The following NUBPL variants were observed in gnomAD, a reference collection of about 807,000 sequenced individuals.
The protein encoded by NUBPL is iron-sulfur cluster transfer protein NUBPL.
A neutral mutation model predicts 45.7 loss-of-function variants in NUBPL; 31 were observed. The ratio of observed to expected loss-of-function variants is 0.68; its 90% CI spans 0.51 to 0.92. The LOEUF (loss-of-function observed/expected upper bound fraction) is 0.92. NUBPL is among the 40% of genes least tolerant of loss of function. The probability of loss-of-function intolerance (pLI) is 0.00; values close to 1 mark genes in which losing one functional copy is unlikely to be tolerated. For missense variants in NUBPL, 401 were observed against 398.7 expected (o/e 1.01, Z -0.05); for synonymous variants, 144 against 140.9 (o/e 1.02, Z -0.15).
intron 7 of NUBPL, among the ~76,000 whole-genome samples, chr14:31,807,111 C>T (rs1224361463): frequency 6.6e-6 from 1 of 152,070 alleles, no homozygotes; most frequent in African/African-American, 2.4e-5. Context: ...TAGCAGCATG[C>T]TTTATAATCC....
At chr14:31,626,540 T>C (rs72674854) in intron 4 of NUBPL, among the ~76,000 whole-genome samples, 1 of 152,198 alleles carries the variant, frequency 6.6e-6, no homozygotes, top group African/African-American at 2.4e-5. Context: ...CAGGCAGAGA[T>C]TGGAAATGGC....
At chr14:31,791,743 C>T (rs962570990) in intron 7 of NUBPL, among the ~76,000 whole-genome samples, 3 of 152,006 alleles carry the variant, frequency 2.0e-5, no homozygotes, top group African/African-American at 4.8e-5. Flanking sequence ...AAGGGGAATA[C>T]GAAACACTTC....
intron 6 of NUBPL, among the ~76,000 whole-genome samples, chr14:31,711,873 A>T (rs1310718597): frequency 6.6e-6 from 1 of 151,698 alleles, no homozygotes; most frequent in African/African-American, 2.4e-5. Context: ...AAGATGGCAC[A>T]TCCGGAGTTG....
At chr14:31,582,101 A>G (rs1033608889) in intron 3 of NUBPL, among the ~76,000 whole-genome samples, 1 of 152,192 alleles carries the variant, frequency 6.6e-6, no homozygotes, top group African/African-American at 2.4e-5. Context: ...GAAATTAAAA[A>G]AATAAATTAG....
Position 31,760,161 on chromosome 14 carries a change from G to GAGAC in NUBPL, c.514-27616_514-27615insCAGA, listed in dbSNP as rs796822314. On this transcript the variant is annotated intron_variant, in intron 6 of 10. Coordinates refer to ENST00000281081, the MANE Select transcript of NUBPL (RefSeq NM_025152.3). ...TGTGTGTGTGAGAGAGAGAGAGAGA[G>GAGAC]AGAGAGAGAGAGAGAGAGAGACAGG... 1.6e-4 allele frequency among the ~76,000 whole-genome samples: 23 copies of GAGAC among 143,154 alleles called. 1 individual carries two copies. Among genetic ancestry groups the GAGAC allele is most frequent in the African/African-American group, 6.1e-4 (23 of 37,998 alleles). 93.9% of individuals were successfully genotyped at this position (143,154 alleles called of 152,430 possible).
At chr14:31,786,144 C>G (rs764622470) in intron 6 of NUBPL, among the ~76,000 whole-genome samples, 1 of 150,912 alleles carries the variant, frequency 6.6e-6, no homozygotes, top group Non-Finnish European at 1.5e-5. Flanking sequence ...GGTGATAGAG[C>G]GAGACCCTGT....
chr14:31,771,103 G>T (rs2039001526), intron 6 of NUBPL, among the ~76,000 whole-genome samples: 1 of 151,934 alleles, frequency 6.6e-6, no homozygotes, highest in South Asian at 2.1e-4. Context: ...ATAGATGGTT[G>T]GTAGAATTAT....
intron 8 of NUBPL, among the ~76,000 whole-genome samples, chr14:31,833,695 G>C (rs1287154761): frequency 6.6e-5 from 10 of 152,140 alleles, no homozygotes; most frequent in Non-Finnish European, 1.5e-4. Context: ...TGGAGCCTCT[G>C]TCATCTTCAA....
At chr14:31,640,670 C>G (rs560857248) in intron 4 of NUBPL, among the ~76,000 whole-genome samples, 2 of 149,544 alleles carry the variant, frequency 1.3e-5, no homozygotes, top group Admixed American at 6.7e-5. Context: ...TTCCCTTAAT[C>G]TTTTCAAAAA....
chr14:31,834,542 T>C (rs989425031), intron 8 of NUBPL, among the ~76,000 whole-genome samples: 8 of 152,154 alleles, frequency 5.3e-5, no homozygotes, highest in Admixed American at 5.2e-4. Context: ...TTAGAAAAAT[T>C]AGACGATCTT....
At chr14:31,675,035 G>A (rs557933803) in intron 6 of NUBPL, among the ~76,000 whole-genome samples, 1 of 152,100 alleles carries the variant, frequency 6.6e-6, no homozygotes, top group South Asian at 2.1e-4. Context: ...TACTCGGGAG[G>A]CTGAGGCAGG....
chr14:31,608,232 G>C (rs1223036002), intron 4 of NUBPL, among the ~76,000 whole-genome samples: 1 of 152,160 alleles, frequency 6.6e-6, no homozygotes, highest in Non-Finnish European at 1.5e-5. Flanking sequence ...AGCTACAGGA[G>C]ATGTTAAAGG....
At chr14:31,790,764 T>G (rs879543563) in intron 7 of NUBPL, among the ~76,000 whole-genome samples, 43 of 152,096 alleles carry the variant, frequency 2.8e-4, no homozygotes, top group African/African-American at 8.9e-4. Context: ...GACAGGAGAA[T>G]GGCATGAAGC....
Position 31,673,593 on chromosome 14 carries a change from A to G in NUBPL, c.513+19A>G. Reference sequence around the variant, plus strand: ...GAGGCAGGTAAGAATATTGCTTTAAATATCATTTTATCATTGGCAAAGCTG... The same window carrying G: ...GAGGCAGGTAAGAATATTGCTTTAAGTATCATTTTATCATTGGCAAAGCTG... On this transcript the variant is annotated intron_variant, in intron 6 of 10. Transcript: ENST00000281081. 1.3e-6 allele frequency: 2 copies of G among 1,588,950 alleles called. No homozygotes were observed. Among genetic ancestry groups the G allele is most frequent in the Non-Finnish European group, 1.7e-6 (2 of 1,157,068 alleles).
intron 3 of NUBPL, among the ~76,000 whole-genome samples, chr14:31,587,875 ATTC>A (rs532470688): frequency 2.0e-4 from 31 of 152,312 alleles, no homozygotes; most frequent in African/African-American, 7.5e-4. Flanking sequence ...TCATTTTGTT[ATTC>A]TTAAAGATTT....
intron 6 of NUBPL, among the ~76,000 whole-genome samples, chr14:31,755,889 A>G (rs1055261263): frequency 4.6e-5 from 7 of 150,956 alleles, no homozygotes; most frequent in African/African-American, 7.3e-5. Context: ...GGTGTAAGGA[A>G]GGGATCCAGT....
intron 6 of NUBPL, among the ~76,000 whole-genome samples, chr14:31,733,311 A>G (rs917688124): frequency 6.6e-6 from 1 of 152,082 alleles, no homozygotes; most frequent in African/African-American, 2.4e-5. Context: ...ATTTGTTTGT[A>G]AAGATTATTT....
intron 4 of NUBPL, among the ~76,000 whole-genome samples, chr14:31,649,506 C>T (rs955297795): frequency 2.6e-5 from 4 of 152,068 alleles, no homozygotes; most frequent in Admixed American, 6.6e-5. Context: ...AAATGATATA[C>T]GCAACAAGAT....
At chr14:31,704,402 G>A (rs552629882) in intron 6 of NUBPL, among the ~76,000 whole-genome samples, 10 of 152,256 alleles carry the variant, frequency 6.6e-5, no homozygotes, top group South Asian at 4.1e-4. Context: ...GGTGGCCCAC[G>A]CCTGTAATCC....
Sources: allele counts gnomAD v4.1 joint callset (sites outside exome capture counted in the v4.1 genomes callset), GRCh38; gene constraint gnomAD v4.1.1; transcripts MANE v1.5; gene names NCBI Gene and HGNC (gene_info 2026-07-23, HGNC 2026-07-21).